The following HS6ST3 variants were observed in gnomAD, a reference collection of about 807,000 sequenced individuals.
The protein encoded by HS6ST3 is heparan-sulfate 6-O-sulfotransferase 3.
HS6ST3 carries 12 observed loss-of-function variants against 36.7 expected under a neutral mutation model. The observed-to-expected ratio is 0.33, with a 90% CI of 0.21 to 0.53. HS6ST3 has a LOEUF of 0.53. Ranked by LOEUF, HS6ST3 falls within the 20% of genes least tolerant of loss-of-function variation. The probability of loss-of-function intolerance (pLI) is 0.95; values close to 1 mark genes in which losing one functional copy is unlikely to be tolerated. For synonymous variants in HS6ST3, 240 were observed against 257.5 expected, an observed-to-expected ratio of 0.93 and a Z score of 0.65; for missense variants, 584 against 640.9, an observed-to-expected ratio of 0.91 and a Z score of 0.96.
At chr13:96,693,344 A>T (rs1230571553) in intron 1 of HS6ST3, among the ~76,000 whole-genome samples, 1 of 152,100 alleles carries the variant, frequency 6.6e-6, no homozygotes, top group African/African-American at 2.4e-5. Context: ...CACTTTTGTT[A>T]CCCAGGCTGG....
intron 1 of HS6ST3, among the ~76,000 whole-genome samples, chr13:96,107,143 C>T (rs1473803923): frequency 1.3e-5 from 2 of 151,976 alleles, no homozygotes. Context: ...GGGTGATACA[C>T]AATAAGAAAA....
chr13:96,137,186 A>G lies in HS6ST3; in HGVS notation c.707+45617A>G, dbSNP rs559435866. 1.9e-4 allele frequency among the ~76,000 whole-genome samples: 21 copies of G among 112,324 alleles called. No homozygotes were observed. In the South Asian group the frequency reaches 6.7e-3, roughly 36 times the overall value. 73.7% of individuals were successfully genotyped at this position (112,324 alleles called of 152,430 possible). ...CCACCCCCACCCCCATTTAATAACC[A>G]CTTTCTGACTTCTGTAACCATTGAT... On this transcript the variant is annotated intron_variant, in intron 1 of 1. Transcript: ENST00000376705.
intron 1 of HS6ST3, among the ~76,000 whole-genome samples, chr13:96,810,358 C>A (rs1878291862): frequency 6.6e-6 from 1 of 152,132 alleles, no homozygotes. Flanking sequence ...ACCTTCCCCA[C>A]CCCCAACCAG....
At chr13:96,137,733 C>T (rs2054009840) in intron 1 of HS6ST3, among the ~76,000 whole-genome samples, 1 of 152,136 alleles carries the variant, frequency 6.6e-6, no homozygotes, top group African/African-American at 2.4e-5. Context: ...CCGCCGTGGG[C>T]CACCATGTCA....
At chr13:96,478,326 C>A (rs1452374606) in intron 1 of HS6ST3, among the ~76,000 whole-genome samples, 1 of 152,012 alleles carries the variant, frequency 6.6e-6, no homozygotes. Flanking sequence ...GTTTTAAGGA[C>A]GATAAGAGAA....
rs887742225 is a variant in HS6ST3, at chr13:96,132,173, G to C, written c.707+40604G>C. ...ACACACACACACACACACACACACA[G>C]AGCGCATTTTCTTTTTCCATTCATC... On this transcript the variant is annotated intron_variant, in intron 1 of 1. Coordinates refer to ENST00000376705, the MANE Select transcript of HS6ST3 (RefSeq NM_153456.4). Among the ~76,000 whole-genome samples, 12 of 140,204 alleles carry C rather than the reference G, an allele frequency of 8.6e-5. No homozygotes were observed. In the East Asian group the frequency reaches 1.7e-3, roughly 20 times the overall value. 92.0% of individuals were successfully genotyped at this position (140,204 alleles called of 152,430 possible).
chr13:96,228,573 A>G lies in HS6ST3; in HGVS notation c.707+137004A>G, dbSNP rs532306162. Among the ~76,000 whole-genome samples, 15 of 152,262 alleles carry G rather than the reference A, an allele frequency of 9.9e-5. 2 individuals carry two copies. Among genetic ancestry groups the G allele is most frequent in the African/African-American group, 3.6e-4 (15 of 41,550 alleles). ...GGACCACCGTGCCCGGCCTGTCATG[A>G]ATATTCTTTATTTTTTTATGCAACC... On this transcript the variant is annotated intron_variant, in intron 1 of 1. Coordinates refer to ENST00000376705, the MANE Select transcript of HS6ST3 (RefSeq NM_153456.4).
chr13:96,575,786 T>G (rs2056318519), intron 1 of HS6ST3, among the ~76,000 whole-genome samples: 1 of 152,202 alleles, frequency 6.6e-6, no homozygotes, highest in Non-Finnish European at 1.5e-5. Flanking sequence ...TGTTCTTCAC[T>G]TGTTTGGTGG....
At chr13:96,831,373 A>T (rs1484907208) in intron 1 of HS6ST3, among the ~76,000 whole-genome samples, 2 of 152,234 alleles carry the variant, frequency 1.3e-5, no homozygotes, top group Non-Finnish European at 2.9e-5. Flanking sequence ...GATGTACAGG[A>T]AAGCATGGGA....
Position 96,833,052 on chromosome 13 carries a change from C to T in HS6ST3, c.1270C>T (p.Gln424Ter). 6.2e-7 allele frequency: 1 copy of T among 1,613,396 alleles called. No individual in the cohort carries two copies. Among genetic ancestry groups the T allele is most frequent in the Non-Finnish European group, 8.5e-7 (1 of 1,180,012 alleles). The change falls in exon 2 of 2, where the codon CAG becomes TAG. Residue 424 changes from glutamine to a stop codon, truncating the protein, a stop_gained. Transcript: ENST00000376705. LOFTEE classifies it high-confidence loss of function. ...LFQQRYHHTK[Q>*]LEHQRDRQKR... ...CCAGCAGCGCTACCACCACACCAAG[C>T]AGCTAGAGCACCAGAGGGACCGCCA... is the stretch of plus-strand genomic sequence containing the variant.
chr13:96,541,391 G>A (rs1025556869), intron 1 of HS6ST3, among the ~76,000 whole-genome samples: 2 of 152,054 alleles, frequency 1.3e-5, no homozygotes, highest in African/African-American at 4.8e-5. Flanking sequence ...AGAAAGAAGT[G>A]ACTTGCTGGA....
At chr13:96,374,136 C>G (rs1260672593) in intron 1 of HS6ST3, among the ~76,000 whole-genome samples, 2 of 152,140 alleles carry the variant, frequency 1.3e-5, no homozygotes, top group African/African-American at 4.8e-5. Flanking sequence ...GCACAGTTAA[C>G]TATCCTGTCA....
chr13:96,353,346 T>A (rs761963228), intron 1 of HS6ST3, among the ~76,000 whole-genome samples: 3 of 152,046 alleles, frequency 2.0e-5, no homozygotes, highest in Non-Finnish European at 4.4e-5. Flanking sequence ...TGGAAGTGAA[T>A]AGGTTCAAGT....
chr13:96,497,704 T>C (rs1457117960), intron 1 of HS6ST3, among the ~76,000 whole-genome samples: 1 of 152,188 alleles, frequency 6.6e-6, no homozygotes, highest in African/African-American at 2.4e-5. Context: ...TAGGTTAATA[T>C]TGTAAAATTC....
chr13:96,316,824 A>G lies in HS6ST3; in HGVS notation c.707+225255A>G, dbSNP rs1026566675. 1.8e-4 allele frequency among the ~76,000 whole-genome samples: 27 copies of G among 152,178 alleles called. 1 individual carries two copies. Among genetic ancestry groups the G allele is most frequent in the Non-Finnish European group, 4.0e-4 (27 of 68,018 alleles). ...CTTTCTGTATCCCATCTAAAGCAAC[A>G]TAGGAAAAAATGGATAGACATTCTT... On this transcript the variant is annotated intron_variant, in intron 1 of 1. Transcript: ENST00000376705.
At chr13:96,638,743 A>G (rs2056558548) in intron 1 of HS6ST3, among the ~76,000 whole-genome samples, 1 of 151,914 alleles carries the variant, frequency 6.6e-6, no homozygotes, top group Non-Finnish European at 1.5e-5. Context: ...GAGTCAATTA[A>G]ACCTCTTTTT....
At chr13:96,545,301 C>T (rs2056193710) in intron 1 of HS6ST3, among the ~76,000 whole-genome samples, 2 of 152,170 alleles carry the variant, frequency 1.3e-5, no homozygotes, top group East Asian at 1.9e-4. Flanking sequence ...TTTGCCTCAT[C>T]AAACCATTGT....
chr13:96,832,309 G>C (rs543410070), intron 1 of HS6ST3, among the ~76,000 whole-genome samples, 181 bp from the exon 2 acceptor site: 1 of 152,112 alleles, frequency 6.6e-6, no homozygotes, highest in African/African-American at 2.4e-5. Flanking sequence ...TTGAAAATTG[G>C]TACATACGTC....
intron 1 of HS6ST3, among the ~76,000 whole-genome samples, chr13:96,130,695 A>G (rs72638031): frequency 0.1 from 15,213 of 152,170 alleles, 902 homozygotes; most frequent in Middle Eastern, 0.19. Context: ...TATTGGCCCT[A>G]TTGGTTAAGC....
Sources: allele counts gnomAD v4.1 joint callset (sites outside exome capture counted in the v4.1 genomes callset), GRCh38; gene constraint gnomAD v4.1.1; transcripts MANE v1.5; gene names NCBI Gene and HGNC (gene_info 2026-07-23, HGNC 2026-07-21).